RBFOX1: variants seen among roughly 807,000 people sequenced by gnomAD.
The protein encoded by RBFOX1 is RNA binding protein fox-1 homolog 1.
In RBFOX1, 8 loss-of-function variants were observed where a neutral mutation model predicts 57.7. That is an observed-to-expected ratio of 0.14 (90% CI 0.08 to 0.25). The LOEUF (loss-of-function observed/expected upper bound fraction) is 0.25. Ranked by LOEUF, RBFOX1 falls within the 10% of genes least tolerant of loss-of-function variation. The pLI, the probability that RBFOX1 is intolerant of heterozygous loss-of-function variation, is 1.00. For synonymous variants in RBFOX1, 326 were observed against 222.4 expected, an observed-to-expected ratio of 1.47 and a Z score of -4.15; for missense variants, 611 against 548.5, an observed-to-expected ratio of 1.11 and a Z score of -1.14.
At chr16:7,331,439 G>A (rs1002275847) in intron 4 of RBFOX1, among the ~76,000 whole-genome samples, 1 of 152,070 alleles carries the variant, frequency 6.6e-6, no homozygotes, top group Non-Finnish European at 1.5e-5. Flanking sequence ...TCAAAATTGT[G>A]GAACTACACA....
chr16:6,288,277 A>T (rs991122514), intron 1 of RBFOX1, among the ~76,000 whole-genome samples: 1 of 152,186 alleles, frequency 6.6e-6, no homozygotes, highest in East Asian at 1.9e-4. Context: ...TATGTTGTGC[A>T]TATGAGTCAT....
intron 4 of RBFOX1, among the ~76,000 whole-genome samples, chr16:5,948,040 G>A (rs796703817): frequency 7.2e-5 from 11 of 152,146 alleles, no homozygotes; most frequent in South Asian, 4.1e-4. Context: ...CAGAACCAAC[G>A]CTGCTCAGGA....
At chr16:6,618,992 G>A (rs2098184665) in intron 2 of RBFOX1, among the ~76,000 whole-genome samples, 2 of 152,190 alleles carry the variant, frequency 1.3e-5, no homozygotes, top group African/African-American at 2.4e-5. Context: ...GTGGGAAGCT[G>A]AAAAGACACT....
Position 7,607,549 on chromosome 16 carries a change from G to C in RBFOX1, c.676+211G>C, listed in dbSNP as rs114528626. Among the ~76,000 whole-genome samples the C allele has an allele frequency of 4.5e-3, 678 of 152,278 alleles. 4 individuals are homozygous for C. The highest frequency in any genetic ancestry group is 0.015 in the African/African-American group (637 of 41,552). On this transcript the variant is annotated intron_variant, in intron 10 of 15. Transcript: ENST00000550418. ...TAAGTTTCATGGTTGGGGGATCAGC[G>C]TGGAGCCACTGCTCCTTAGGACAAT...
At chr16:6,395,929 G>A (rs1476080935) in intron 2 of RBFOX1, among the ~76,000 whole-genome samples, 2 of 151,860 alleles carry the variant, frequency 1.3e-5, no homozygotes, top group African/African-American at 2.4e-5. Flanking sequence ...AGCTGGTCAT[G>A]GTGGCGTGCA....
chr16:7,370,357 A>G (rs2097544260), intron 4 of RBFOX1, among the ~76,000 whole-genome samples: 1 of 152,220 alleles, frequency 6.6e-6, no homozygotes, highest in Non-Finnish European at 1.5e-5. Context: ...GCCTAACTGC[A>G]GTAATGGTAT....
chr16:6,315,618 T>C (rs2081020463), intron 1 of RBFOX1, among the ~76,000 whole-genome samples: 1 of 152,098 alleles, frequency 6.6e-6, no homozygotes, highest in South Asian at 2.1e-4. Flanking sequence ...AATGAGTGCA[T>C]CATTGCTGTT....
chr16:7,446,729 T>C (rs1389571953), intron 4 of RBFOX1, among the ~76,000 whole-genome samples: 2 of 149,324 alleles, frequency 1.3e-5, no homozygotes, highest in African/African-American at 4.9e-5. Flanking sequence ...TTTCTCTTAC[T>C]AAAGAAGACC....
chr16:6,898,017 G>C (rs2067390399), intron 3 of RBFOX1, among the ~76,000 whole-genome samples: 1 of 152,146 alleles, frequency 6.6e-6, no homozygotes, highest in Non-Finnish European at 1.5e-5. Flanking sequence ...ATGGACAAGA[G>C]ACCAGGTCAG....
intron 1 of RBFOX1, among the ~76,000 whole-genome samples, chr16:5,400,749 T>C (rs534668417): frequency 6.6e-6 from 1 of 152,222 alleles, no homozygotes; most frequent in East Asian, 1.9e-4. Context: ...TTAAGGAAGA[T>C]TGTAAAAACT....
At chr16:6,904,543 G>T (rs12928688) in intron 3 of RBFOX1, among the ~76,000 whole-genome samples, 31,233 of 139,678 alleles carry the variant, frequency 0.22, 3,508 homozygotes, top group East Asian at 0.34. Context: ...AGATGTTGCA[G>T]TGAGCTGAGA....
chr16:7,094,761 T>TGTGTGTGTGTGTGTGG, intron 4 of RBFOX1, among the ~76,000 whole-genome samples: 1 of 139,858 alleles, frequency 7.2e-6, no homozygotes, highest in Non-Finnish European at 1.6e-5. Context: ...TGTGTGTGTG[T>TGTGTGTGTGTGTGTGG]GTGTGTGTGT....
intron 2 of RBFOX1, among the ~76,000 whole-genome samples, chr16:5,498,344 A>G (rs1320027382): frequency 6.6e-6 from 1 of 152,124 alleles, no homozygotes; most frequent in Non-Finnish European, 1.5e-5. Flanking sequence ...GGGTTTCACC[A>G]TGTTGGCCAG....
chr16:7,208,674 A>G (rs1222824420), intron 4 of RBFOX1, among the ~76,000 whole-genome samples: 1 of 152,130 alleles, frequency 6.6e-6, no homozygotes, highest in Non-Finnish European at 1.5e-5. Context: ...TATCTCAACA[A>G]AAAATTAAAA....
chr16:6,658,522 G>A (rs998683336), intron 3 of RBFOX1, among the ~76,000 whole-genome samples: 1 of 152,030 alleles, frequency 6.6e-6, no homozygotes, highest in African/African-American at 2.4e-5. Flanking sequence ...CCCTCATCTT[G>A]TTGTAGAGCA....
chr16:5,695,007 G>A (rs779200011), intron 3 of RBFOX1, among the ~76,000 whole-genome samples: 4 of 151,850 alleles, frequency 2.6e-5, no homozygotes, highest in Non-Finnish European at 5.9e-5. Flanking sequence ...TACAGAATAT[G>A]GATGACATTT....
chr16:7,205,724 C>T (rs28376806), intron 4 of RBFOX1, among the ~76,000 whole-genome samples: 6,453 of 152,126 alleles, frequency 0.042, 435 homozygotes, highest in African/African-American at 0.15. Flanking sequence ...TGGTGATGGG[C>T]AGAAAGAAAA....
intron 4 of RBFOX1, among the ~76,000 whole-genome samples, chr16:7,169,368 A>G (rs1677623399): frequency 6.6e-6 from 1 of 152,186 alleles, no homozygotes; most frequent in Non-Finnish European, 1.5e-5. Flanking sequence ...TGGGTCAGAT[A>G]ATTACTTGTT....
chr16:5,390,541 G>A (rs1307857601), intron 1 of RBFOX1, among the ~76,000 whole-genome samples: 2 of 151,890 alleles, frequency 1.3e-5, no homozygotes, highest in Non-Finnish European at 2.9e-5. Flanking sequence ...CACCTGCCTC[G>A]GCCTCCCAAA....
Sources: allele counts gnomAD v4.1 joint callset (sites outside exome capture counted in the v4.1 genomes callset), GRCh38; gene constraint gnomAD v4.1.1; transcripts MANE v1.5; gene names NCBI Gene and HGNC (gene_info 2026-07-23, HGNC 2026-07-21).